Variants in ZNF804B observed in about 807,000 individuals in gnomAD.
ZNF804B encodes the protein zinc finger protein 804B.
A neutral mutation model predicts 101.4 loss-of-function variants in ZNF804B; 80 were observed. The observed-to-expected ratio is 0.79, with a 90% CI of 0.66 to 0.95. The LOEUF is 0.95. Among genes scored for constraint, ZNF804B ranks in the 40% least tolerant of loss-of-function variants. The pLI is 0.00. For synonymous variants in ZNF804B, 622 were observed against 558.8 expected (o/e 1.11, Z -1.59); for missense variants, 1,673 against 1,561.9 (o/e 1.07, Z -1.20).
At chr7:89,256,962 A>G (rs1241193556) in intron 2 of ZNF804B, among the ~76,000 whole-genome samples, 1 of 152,150 alleles carries the variant, frequency 6.6e-6, no homozygotes, top group East Asian at 1.9e-4. Flanking sequence ...TTTATGATAG[A>G]TATAAGAATT....
At position 89,021,008 on chromosome 7, in the gene ZNF804B, A is replaced by G. The variant is rs532202229; in HGVS notation, c.109-197147A>G. Among the ~76,000 whole-genome samples the G allele has an allele frequency of 3.9e-5, 6 of 151,982 alleles. No individual in the cohort carries two copies. In the South Asian group the frequency reaches 8.3e-4, roughly 21 times the overall value. On this transcript the variant is annotated intron_variant, in intron 1 of 3. Coordinates refer to ENST00000333190, the MANE Select transcript of ZNF804B (RefSeq NM_181646.5). ...CTAGAAAATTACTGTGTTCTTTTGG[A>G]TACGTAATATTTTCCTGCTTTTTAA...
intron 1 of ZNF804B, among the ~76,000 whole-genome samples, chr7:89,150,181 G>A (rs1303580893): frequency 6.6e-6 from 1 of 151,794 alleles, no homozygotes; most frequent in Non-Finnish European, 1.5e-5. Context: ...TTTACTATTT[G>A]CCCAGGAGTC....
chr7:89,247,825 A>G (rs1299230309), intron 2 of ZNF804B, among the ~76,000 whole-genome samples: 1 of 152,206 alleles, frequency 6.6e-6, no homozygotes, highest in Admixed American at 6.5e-5. Flanking sequence ...AAGATCCAAG[A>G]CAAGGTTGAA....
intron 1 of ZNF804B, among the ~76,000 whole-genome samples, 181 bp downstream of exon 1, chr7:88,760,265 C>G (rs1789875393): frequency 6.6e-6 from 1 of 152,216 alleles, no homozygotes; most frequent in Non-Finnish European, 1.5e-5. Flanking sequence ...GACTGTGACA[C>G]AGAGAGGGGT....
intron 1 of ZNF804B, among the ~76,000 whole-genome samples, chr7:88,884,998 G>T (rs1418113275): frequency 1.3e-5 from 2 of 151,740 alleles, no homozygotes; most frequent in East Asian, 3.9e-4. Flanking sequence ...AGCTTAAGGT[G>T]CTCCCGAATA....
At chr7:88,841,419 T>C (rs1269652414) in intron 1 of ZNF804B, among the ~76,000 whole-genome samples, 1 of 152,140 alleles carries the variant, frequency 6.6e-6, no homozygotes, top group Non-Finnish European at 1.5e-5. Context: ...ATAAAAACTA[T>C]GGACATAGAA....
chr7:88,927,611 G>A (rs902785728), intron 1 of ZNF804B, among the ~76,000 whole-genome samples: 3 of 152,160 alleles, frequency 2.0e-5, no homozygotes. Context: ...CATTGATTCT[G>A]CAGAATATTT....
chr7:88,814,559 G>C (rs899447673), intron 1 of ZNF804B, among the ~76,000 whole-genome samples: 10 of 151,822 alleles, frequency 6.6e-5, no homozygotes, highest in Admixed American at 1.3e-4. Flanking sequence ...ACTCAGTTGA[G>C]GCAACTTAGT....
intron 1 of ZNF804B, among the ~76,000 whole-genome samples, chr7:88,837,166 A>AT (rs890918496): frequency 3.3e-5 from 5 of 151,084 alleles, no homozygotes; most frequent in Admixed American, 1.3e-4. Flanking sequence ...TACACAATAT[A>AT]TTTTTTTTTG....
In ZNF804B at chr7:89,335,275, T is replaced by C; in HGVS notation, c.2293T>C (p.Leu765=). ...RKCLKHNCFY[L]SDDITKSSQM... is the part of the protein sequence containing the mutation. ...ATGTCTAAAGCACAACTGCTTCTAC[T>C]TGTCTGATGATATAACAAAGAGCAG... The change falls in exon 4 of 4, where the codon TTG becomes CTG. Residue 765 remains leucine, a synonymous_variant. Transcript: ENST00000333190. 1 of 1,613,798 alleles carries C rather than the reference T, an allele frequency of 6.2e-7. No homozygotes were observed. Among genetic ancestry groups the C allele is most frequent in the Non-Finnish European group, 8.5e-7 (1 of 1,179,950 alleles).
In ZNF804B at chr7:89,335,298, C is replaced by G; in HGVS notation, c.2316C>G (p.Ser772Arg). The G allele has an allele frequency of 6.2e-7, 1 of 1,613,646 alleles. No individual in the cohort carries two copies. The highest frequency in any genetic ancestry group is 8.5e-7 in the Non-Finnish European group (1 of 1,179,934). ...CFYLSDDITKSSQMQSEPQKE... is the reference protein window; with the variant it reads ...CFYLSDDITKRSQMQSEPQKE... ...ACTTGTCTGATGATATAACAAAGAGCAGCCAAATGCAGTCTGAACCACAGA... is the reference window on the plus strand; with the variant it reads ...ACTTGTCTGATGATATAACAAAGAGGAGCCAAATGCAGTCTGAACCACAGA... The change falls in exon 4 of 4, where the codon AGC (serine) becomes AGG (arginine). Residue 772 changes from serine (S) to arginine (R), a missense_variant. Transcript: ENST00000333190.
chr7:89,002,938 T>G, intron 1 of ZNF804B, among the ~76,000 whole-genome samples: 1 of 152,018 alleles, frequency 6.6e-6, no homozygotes, highest in East Asian at 1.9e-4. Flanking sequence ...TTGAATGTGA[T>G]TTCAGTATAA....
intron 1 of ZNF804B, among the ~76,000 whole-genome samples, chr7:88,949,735 A>G (rs943418786): frequency 6.6e-6 from 1 of 151,930 alleles, no homozygotes; most frequent in Admixed American, 6.6e-5. Context: ...TCAACCACAT[A>G]TATGAAAATG....
At chr7:89,141,406 G>T (rs901377218) in intron 1 of ZNF804B, among the ~76,000 whole-genome samples, 1 of 151,960 alleles carries the variant, frequency 6.6e-6, no homozygotes, top group South Asian at 2.1e-4. Flanking sequence ...GCACAATAAA[G>T]TGTGGTATCT....
intron 1 of ZNF804B, among the ~76,000 whole-genome samples, chr7:88,796,689 C>T (rs1466951791): frequency 1.3e-5 from 2 of 152,162 alleles, no homozygotes; most frequent in East Asian, 1.9e-4. Flanking sequence ...AGGCTCTGCG[C>T]TCATGATGTG....
Position 88,907,675 on chromosome 7 carries a change from T to G in ZNF804B, c.108+147591T>G, listed in dbSNP as rs145105981. 4.5e-3 allele frequency among the ~76,000 whole-genome samples: 688 copies of G among 152,044 alleles called. 6 individuals carry two copies. The highest frequency in any genetic ancestry group is 0.016 in the African/African-American group (658 of 41,532). On this transcript the variant is annotated intron_variant, in intron 1 of 3. Transcript: ENST00000333190. ...AACTTTGTAAGTGGTAGAGGCAACA[T>G]TTAAAATGAGGGAGCATGGCTTCAT... is the stretch of plus-strand genomic sequence containing the variant.
At chr7:88,831,840 A>C (rs891544807) in intron 1 of ZNF804B, among the ~76,000 whole-genome samples, 28 of 151,936 alleles carry the variant, frequency 1.8e-4, no homozygotes, top group Admixed American at 1.6e-3. Flanking sequence ...AAATATATTC[A>C]CAAGTTTTGT....
At chr7:89,246,649 T>C (rs1789451826) in intron 2 of ZNF804B, among the ~76,000 whole-genome samples, 1 of 152,118 alleles carries the variant, frequency 6.6e-6, no homozygotes, top group Non-Finnish European at 1.5e-5. Flanking sequence ...TCATTCTTCC[T>C]GGCAATAGAT....
intron 1 of ZNF804B, among the ~76,000 whole-genome samples, chr7:88,793,683 ATATAT>A (rs1260530741): frequency 4.6e-5 from 7 of 152,088 alleles, no homozygotes; most frequent in African/African-American, 1.7e-4. Context: ...TACTATAATG[ATATAT>A]TATATTACAT....
Sources: allele counts gnomAD v4.1 joint callset (sites outside exome capture counted in the v4.1 genomes callset), GRCh38; gene constraint gnomAD v4.1.1; transcripts MANE v1.5; gene names NCBI Gene and HGNC (gene_info 2026-07-23, HGNC 2026-07-21).